Variants in BIN1 observed in about 807,000 individuals in gnomAD.
BIN1 encodes myc box-dependent-interacting protein 1.
In BIN1, 53 loss-of-function variants were observed where a neutral mutation model predicts 82.0. The ratio of observed to expected loss-of-function variants is 0.65; its 90% CI spans 0.52 to 0.81. BIN1 has a LOEUF of 0.81. Among genes scored for constraint, BIN1 ranks in the 40% least tolerant of loss-of-function variants. The pLI is 0.00. For synonymous variants in BIN1, 302 were observed against 328.0 expected, an observed-to-expected ratio of 0.92 and a Z score of 0.86; for missense variants, 642 against 784.4, an observed-to-expected ratio of 0.82 and a Z score of 2.17.
intron 1 of BIN1, among the ~76,000 whole-genome samples, chr2:127,099,834 C>T (rs1485412456): frequency 1.4e-5 from 2 of 144,010 alleles, no homozygotes; most frequent in African/African-American, 2.6e-5. Flanking sequence ...GACGGAGTCT[C>T]GCTCTGTCGC....
intron 1 of BIN1, among the ~76,000 whole-genome samples, chr2:127,102,721 C>T (rs1280360918): frequency 2.0e-5 from 3 of 152,238 alleles, no homozygotes; most frequent in Non-Finnish European, 4.4e-5. Context: ...CACGCCTTTA[C>T]CGAACACCCA....
Position 127,059,107 on chromosome 2 carries a change from G to A in BIN1, c.906C>T (p.Gly302=), listed in dbSNP as rs371258305. ...KGNKSPSPPD[G]SPAATPEIRV... ...TGATCTCGGGGGTGGCGGCAGGGGA[G>A]CCATCTGGAGGCGAAGGGCTCTTGT... The change falls in exon 11 of 19, where the codon GGC becomes GGT. Residue 302 remains glycine, a synonymous_variant. Transcript: ENST00000316724. The surrounding 1 kb of genome is among the most constrained non-coding windows in gnomAD (Gnocchi z 6.7). 520 of 1,594,404 alleles carry A rather than the reference G, an allele frequency of 3.3e-4. No individual in the cohort carries two copies. Among genetic ancestry groups the A allele is most frequent in the Non-Finnish European group, 3.9e-4 (461 of 1,171,462 alleles).
At chr2:127,073,115 C>T (rs1037348627) in intron 2 of BIN1, among the ~76,000 whole-genome samples, 18 of 152,236 alleles carry the variant, frequency 1.2e-4, no homozygotes, top group Admixed American at 2.6e-4. Flanking sequence ...TCCCAAACAA[C>T]GCTGGGCTGT....
rs148473945 is a variant in BIN1 at position 127,060,621 on chromosome 2, A to G, written c.858-1466T>C. The stretch of plus-strand genomic sequence containing the variant: ...CTGTTCTTCTTTCTGCGCAGCCGCG[A>G]AAACAGTTTACTTTTCTTTCTGTGG... On this transcript the variant is annotated intron_variant, in intron 10 of 18. Transcript: ENST00000316724. 106 of 1,614,098 alleles carry G rather than the reference A, an allele frequency of 6.6e-5. No individual in the cohort carries two copies. The African/African-American group carries it at 1.1e-3, about 17-fold the overall frequency.
chr2:127,052,054 G>A lies in BIN1; in HGVS notation c.1371+201C>T, dbSNP rs147718472. 5.1e-3 allele frequency among the ~76,000 whole-genome samples: 781 copies of A among 152,360 alleles called. 7 individuals carry two copies. The highest frequency in any genetic ancestry group is 0.018 in the African/African-American group (731 of 41,592). Reference sequence around the variant, plus strand: ...CTGGGGTGGGCAAGCAGGAGGGGCTGATGCGCCCAGCTGCGCTCACTCATC... The same window carrying A: ...CTGGGGTGGGCAAGCAGGAGGGGCTAATGCGCCCAGCTGCGCTCACTCATC... On this transcript the variant is annotated intron_variant, in intron 15 of 18. Coordinates refer to ENST00000316724, the MANE Select transcript of BIN1 (RefSeq NM_139343.3).
chr2:127,101,089 C>G (rs113274758), intron 1 of BIN1, among the ~76,000 whole-genome samples: 2,785 of 149,168 alleles, frequency 0.019, 89 homozygotes, highest in East Asian at 0.06. Flanking sequence ...ACAAGTGGCC[C>G]TGGGCAGCAG....
At chr2:127,079,510 C>T (rs564776882) in intron 1 of BIN1, among the ~76,000 whole-genome samples, 8 of 152,350 alleles carry the variant, frequency 5.3e-5, no homozygotes, top group South Asian at 2.1e-4. Context: ...AAGTCACAGA[C>T]GCGCACACTC....
At chr2:127,084,032 G>A (rs1340662357) in intron 1 of BIN1, among the ~76,000 whole-genome samples, 1 of 152,170 alleles carries the variant, frequency 6.6e-6, no homozygotes, top group Non-Finnish European at 1.5e-5. Context: ...ACTGTGGCAA[G>A]GCAAAAAGTT....
chr2:127,054,094 C>T, intron 12 of BIN1, 82 bp from the exon 13 acceptor site: 1 of 1,161,640 alleles, frequency 8.6e-7, no homozygotes, highest in Non-Finnish European at 1.3e-6. Context: ...ACTGCAGGCA[C>T]AGGCACACGC....
At position 127,048,111 on chromosome 2, in the gene BIN1, T is replaced by A. The variant is rs951460526; in HGVS notation, c.*415A>T. The A allele has an allele frequency of 5.7e-5, 16 of 280,880 alleles. No homozygotes were observed. The highest frequency in any genetic ancestry group is 3.5e-4 in the African/African-American group (16 of 45,642). 17.4% of individuals were successfully genotyped at this position (280,880 alleles called of 1,614,324 possible). The stretch of plus-strand genomic sequence containing the variant: ...ATTTTCAAACAGCACACAGACCGTC[T>A]GCGGGGCAGAGCCAGGCTAGGCTGG... On this transcript the variant is annotated 3_prime_UTR_variant, in exon 19 of 19. Coordinates refer to ENST00000316724, the MANE Select transcript of BIN1 (RefSeq NM_139343.3).
intron 10 of BIN1, among the ~76,000 whole-genome samples, chr2:127,060,180 T>C (rs1684253194): frequency 6.6e-6 from 1 of 152,216 alleles, no homozygotes. Flanking sequence ...TTGTGTTTTA[T>C]GGGAATGTAT....
chr2:127,103,604 C>T (rs1291899929), intron 1 of BIN1, among the ~76,000 whole-genome samples: 2 of 152,300 alleles, frequency 1.3e-5, no homozygotes, highest in East Asian at 3.9e-4. Context: ...GAGAAAGGCC[C>T]AGCTCCGTCA....
intron 1 of BIN1, among the ~76,000 whole-genome samples, chr2:127,077,404 T>A (rs1348781281): frequency 7.3e-5 from 11 of 151,720 alleles, no homozygotes; most frequent in South Asian, 2.1e-4. Flanking sequence ...AGAGGTGGAC[T>A]CCCCCTCAAC....
At chr2:127,089,747 G>A (rs925308551) in intron 1 of BIN1, among the ~76,000 whole-genome samples, 6 of 152,148 alleles carry the variant, frequency 3.9e-5, no homozygotes, top group African/African-American at 1.4e-4. Context: ...CACTGCTGGG[G>A]CAGAAGGTGC....
chr2:127,050,063 A>C (rs948848272), intron 18 of BIN1, among the ~76,000 whole-genome samples: 1 of 152,144 alleles, frequency 6.6e-6, no homozygotes, highest in South Asian at 2.1e-4. Flanking sequence ...CTGTCCCAGG[A>C]GGGAGGCAGG....
intron 1 of BIN1, among the ~76,000 whole-genome samples, chr2:127,094,495 T>TG (rs962750442): frequency 7.2e-5 from 11 of 152,020 alleles, no homozygotes; most frequent in South Asian, 6.2e-4. Flanking sequence ...AGCAGGAACC[T>TG]GGGGGGGTCC....
At chr2:127,069,204 C>A (rs750064176) in intron 5 of BIN1, among the ~76,000 whole-genome samples, 173 bp from the exon 6 acceptor site, 6 of 152,336 alleles carry the variant, frequency 3.9e-5, no homozygotes, top group Non-Finnish European at 7.3e-5. Context: ...CCCCTCCTGG[C>A]CGTCCAGCCC....
At position 127,077,599 on chromosome 2, in the gene BIN1, C is replaced by T. The variant is rs148356527; in HGVS notation, c.85-893G>A. Among the ~76,000 whole-genome samples the T allele has an allele frequency of 5.9e-3, 898 of 152,228 alleles. 34 individuals are homozygous for T. Among genetic ancestry groups the T allele is most frequent in the East Asian group, 0.017 (87 of 5,166 alleles). The stretch of plus-strand genomic sequence containing the variant: ...GCCCTGCTCCTCCAATCCCAGAGCT[C>T]CACATGACGGAGAGAGAGGTGGGAG... On this transcript the variant is annotated intron_variant, in intron 1 of 18. Coordinates refer to ENST00000316724, the MANE Select transcript of BIN1 (RefSeq NM_139343.3).
Position 127,090,437 on chromosome 2 carries a change from C to T in BIN1, c.85-13731G>A, listed in dbSNP as rs1032909429. ...CACTTCAGTTGTGCTGGGTGGGGCT[C>T]GCTGAGGACAGCCTGTCTCCACAGG... On this transcript the variant is annotated intron_variant, in intron 1 of 18. Transcript: ENST00000316724. The surrounding 1 kb of genome is among the most constrained non-coding windows in gnomAD (Gnocchi z 6.4). Among the ~76,000 whole-genome samples, 1 of 152,342 alleles carries T rather than the reference C, an allele frequency of 6.6e-6. No homozygotes were observed. Among genetic ancestry groups the T allele is most frequent in the African/African-American group, 2.4e-5 (1 of 41,574 alleles).
Sources: gnomAD v4.1 joint callset for allele counts (sites outside exome capture counted in the v4.1 genomes callset) on GRCh38, gnomAD v4.1.1 for gene constraint, Gnocchi (gnomAD v3.1) non-coding constraint, MANE v1.5 for transcripts, NCBI Gene and HGNC (gene_info 2026-07-23, HGNC 2026-07-21) for gene names.